Variants in RPS6KC1 observed in about 807,000 individuals in gnomAD.
RPS6KC1 encodes ribosomal protein S6 kinase C1.
In RPS6KC1, 54 loss-of-function variants were observed where a neutral mutation model predicts 103.8. The ratio of observed to expected loss-of-function variants is 0.52; its 90% CI spans 0.42 to 0.65. The LOEUF is 0.65. Ranked by LOEUF, RPS6KC1 falls within the 30% of genes least tolerant of loss-of-function variation. RPS6KC1 has a pLI of 0.00. For synonymous variants in RPS6KC1, 439 were observed against 438.7 expected (o/e 1.00, Z -0.01); for missense variants, 1,151 against 1,253.8 (o/e 0.92, Z 1.24).
the RPS6KC1 span, among the ~76,000 whole-genome samples, chr1:213,801,693 A>T: frequency 6.6e-6 from 1 of 152,146 alleles, no homozygotes; most frequent in South Asian, 2.1e-4. Flanking sequence ...ATTGAATAAG[A>T]TGTTGGAGTG....
the RPS6KC1 span, among the ~76,000 whole-genome samples, chr1:213,351,290 TG>T: frequency 1.3e-5 from 2 of 152,220 alleles, no homozygotes; most frequent in Non-Finnish European, 2.9e-5. Context: ...AGCTAACTGC[TG>T]AACGGAGACA....
the RPS6KC1 span, among the ~76,000 whole-genome samples, chr1:213,604,834 A>T: frequency 6.6e-6 from 1 of 152,130 alleles, no homozygotes; most frequent in African/African-American, 2.4e-5. Flanking sequence ...GTGGGGCAGG[A>T]CTGTGGGTCT....
At chr1:213,448,994 G>A in the RPS6KC1 span, among the ~76,000 whole-genome samples, 5 of 152,088 alleles carry the variant, frequency 3.3e-5, no homozygotes, top group African/African-American at 1.2e-4. Flanking sequence ...GGATGATATC[G>A]GAAGCAGTTT....
chr1:213,144,320 G>A (rs901338219), intron 6 of RPS6KC1, among the ~76,000 whole-genome samples: 3 of 152,004 alleles, frequency 2.0e-5, no homozygotes, highest in African/African-American at 7.2e-5. Flanking sequence ...TTGTTGCTCA[G>A]GCTGGAGTAC....
chr1:213,243,064 T>C (rs2094391280), intron 12 of RPS6KC1, among the ~76,000 whole-genome samples: 1 of 152,084 alleles, frequency 6.6e-6, no homozygotes, highest in Non-Finnish European at 1.5e-5. Context: ...GGTGCTGTTA[T>C]GTCTCACTGC....
the RPS6KC1 span, among the ~76,000 whole-genome samples, chr1:213,397,726 A>AT: frequency 6.6e-6 from 1 of 152,146 alleles, no homozygotes; most frequent in African/African-American, 2.4e-5. Flanking sequence ...CCCAAAAGAC[A>AT]TTTTAAAAGC....
chr1:213,298,613 T>A, the RPS6KC1 span, among the ~76,000 whole-genome samples: 1 of 152,124 alleles, frequency 6.6e-6, no homozygotes, highest in Non-Finnish European at 1.5e-5. Flanking sequence ...TCTGTTTTTT[T>A]ATCTCTGCTC....
chr1:213,562,490 C>A, the RPS6KC1 span, among the ~76,000 whole-genome samples: 2 of 148,132 alleles, frequency 1.4e-5, no homozygotes, highest in Non-Finnish European at 3.0e-5. Context: ...CCCGGGTTCA[C>A]GCCATTCTCC....
chr1:213,339,222 T>A, the RPS6KC1 span, among the ~76,000 whole-genome samples: 1 of 152,090 alleles, frequency 6.6e-6, no homozygotes, highest in African/African-American at 2.4e-5. Flanking sequence ...ACTGAGACCA[T>A]GCCATTGCAC....
the RPS6KC1 span, among the ~76,000 whole-genome samples, chr1:213,343,256 A>G: frequency 5.0e-4 from 76 of 151,298 alleles, no homozygotes; most frequent in African/African-American, 1.7e-3. Context: ...TGAAAAGTTA[A>G]GAGGTAGGGA....
rs778602363 is a variant in RPS6KC1 at position 213,240,897 on chromosome 1, G to A, written c.1421G>A (p.Ser474Asn). ...ATGCTTAAAGCTCTGCCTTTGAAGA[G>A]TAGTCTTACTCCAAGTTCTCAAGAT... is the stretch of plus-strand genomic sequence containing the variant. ...GSMLKALPLK[S>N]SLTPSSQDDS... Residue 474 changes from serine (S) to asparagine (N), a missense_variant, in exon 11 of 15, where the codon AGT (serine) becomes AAT (asparagine). By Grantham distance (46) the Ser-to-Asn change is conservative. Around this residue, in one of 3 missense-constraint regions of RPS6KC1, gnomAD observed 959 missense variants for 1,006.3 expected, o/e 0.95. Coordinates refer to ENST00000366960, the MANE Select transcript of RPS6KC1 (RefSeq NM_012424.6). 2 of 1,613,780 alleles carry A rather than the reference G, an allele frequency of 1.2e-6. No homozygotes were observed. Among genetic ancestry groups the A allele is most frequent in the African/African-American group, 2.7e-5 (2 of 74,898 alleles).
intron 8 of RPS6KC1, among the ~76,000 whole-genome samples, chr1:213,199,773 A>T (rs2093087009): frequency 6.6e-6 from 1 of 152,314 alleles, no homozygotes; most frequent in African/African-American, 2.4e-5. Context: ...AAGCCAATAA[A>T]CAACTTCAGC....
At chr1:213,596,553 G>A in the RPS6KC1 span, among the ~76,000 whole-genome samples, 15 of 152,342 alleles carry the variant, frequency 9.8e-5, no homozygotes, top group East Asian at 2.9e-3. Flanking sequence ...CACTTTGTCA[G>A]GAAGGGCCCC....
At chr1:213,624,014 A>G in the RPS6KC1 span, among the ~76,000 whole-genome samples, 1 of 152,236 alleles carries the variant, frequency 6.6e-6, no homozygotes, top group Non-Finnish European at 1.5e-5. Flanking sequence ...TGGAGGGGCA[A>G]CAGAATTGAG....
chr1:213,654,215 C>G, the RPS6KC1 span, among the ~76,000 whole-genome samples: 1 of 152,148 alleles, frequency 6.6e-6, no homozygotes, highest in East Asian at 1.9e-4. Flanking sequence ...CAGACCATCC[C>G]CCTTGTTCCC....
chr1:213,476,113 A>C, the RPS6KC1 span, among the ~76,000 whole-genome samples: 9 of 152,280 alleles, frequency 5.9e-5, no homozygotes, highest in African/African-American at 2.2e-4. Flanking sequence ...AGAGGCCCTC[A>C]GGAAACACCC....
At chr1:213,815,312 C>A in the RPS6KC1 span, among the ~76,000 whole-genome samples, 1 of 152,150 alleles carries the variant, frequency 6.6e-6, no homozygotes, top group African/African-American at 2.4e-5. Context: ...TGAGAATGGA[C>A]TAATACAAGC....
chr1:213,098,802 T>C (rs2081733890), intron 3 of RPS6KC1, among the ~76,000 whole-genome samples: 1 of 152,114 alleles, frequency 6.6e-6, no homozygotes, highest in Non-Finnish European at 1.5e-5. Flanking sequence ...AGACATAAAG[T>C]GAGCACATGC....
chr1:213,740,974 A>ATCTCAGATATATGTACACATATATATC, the RPS6KC1 span, among the ~76,000 whole-genome samples: 16 of 94,958 alleles, frequency 1.7e-4, no homozygotes, highest in African/African-American at 5.2e-4. Context: ...ACATATATAT[A>ATCTCAGATATATGTACACATATATATC]TCAGATATAT....
Sources: gnomAD v4.1 joint callset for allele counts (sites outside exome capture counted in the v4.1 genomes callset) on GRCh38, gnomAD v4.1.1 for gene constraint, gnomAD v4.1.1 regional missense constraint, MANE v1.5 for transcripts, NCBI Gene and HGNC (gene_info 2026-07-23, HGNC 2026-07-21) for gene names.